Variants in PPP1R16B observed in about 807,000 individuals in gnomAD.
PPP1R16B encodes the protein protein phosphatase 1 regulatory subunit 16B.
PPP1R16B carries 14 observed loss-of-function variants against 61.7 expected under a neutral mutation model. The ratio of observed to expected loss-of-function variants is 0.23; its 90% confidence interval spans 0.15 to 0.35. The LOEUF (loss-of-function observed/expected upper bound fraction) is 0.35. Ranked by LOEUF, PPP1R16B falls within the 10% of genes least tolerant of loss-of-function variation. The probability of loss-of-function intolerance (pLI) is 1.00; values close to 1 mark genes in which losing one functional copy is unlikely to be tolerated. For synonymous variants in PPP1R16B, 266 were observed against 305.3 expected, an observed-to-expected ratio of 0.87 and a Z score of 1.34; for missense variants, 547 against 752.5, an observed-to-expected ratio of 0.73 and a Z score of 3.19.
intron 10 of PPP1R16B, among the ~76,000 whole-genome samples, chr20:38,910,645 C>T (rs1601314164): frequency 6.6e-6 from 1 of 151,702 alleles, no homozygotes; most frequent in African/African-American, 2.4e-5. Flanking sequence ...GCGATCCTCC[C>T]ACCTCAGCCT....
intron 2 of PPP1R16B, among the ~76,000 whole-genome samples, chr20:38,856,356 C>T (rs1367541059): frequency 6.6e-6 from 1 of 152,164 alleles, no homozygotes; most frequent in Non-Finnish European, 1.5e-5. Context: ...CTTCATTTTG[C>T]CACTTCCTTA....
chr20:38,918,190 G>A lies in PPP1R16B; in HGVS notation c.1228G>A (p.Glu410Lys). 4.3e-6 allele frequency: 7 copies of A among 1,614,190 alleles called. No individual in the cohort carries two copies. The highest frequency in any genetic ancestry group is 5.9e-6 in the Non-Finnish European group (7 of 1,180,026). ...PRLEKPVLLS[E>K]FPTKIPRGEL... ...GCTGGAGAAGCCCGTGCTACTCTCC[G>A]AATTTCCTACCAAGATCCCACGAGG... The change falls in exon 11 of 11, where the codon GAA (glutamate) becomes AAA (lysine). Residue 410 changes from glutamate (E) to lysine (K), a missense_variant. Coordinates refer to ENST00000299824, the MANE Select transcript of PPP1R16B (RefSeq NM_015568.4). The surrounding 1 kb of genome is among the most constrained non-coding windows in gnomAD (Gnocchi z 5.3).
chr20:38,845,073 C>T (rs772174540), intron 2 of PPP1R16B, among the ~76,000 whole-genome samples: 36 of 151,672 alleles, frequency 2.4e-4, no homozygotes, highest in Admixed American at 1.7e-3. Context: ...GCAGTGGCTG[C>T]CACTCCATGC....
intron 2 of PPP1R16B, among the ~76,000 whole-genome samples, chr20:38,873,576 G>T (rs1306545145): frequency 6.6e-6 from 1 of 152,126 alleles, no homozygotes; most frequent in East Asian, 1.9e-4. Flanking sequence ...AGGCCTGACT[G>T]GGTTAGGGGA....
intron 1 of PPP1R16B, among the ~76,000 whole-genome samples, chr20:38,818,039 G>A (rs773824077): frequency 5.3e-5 from 8 of 152,214 alleles, no homozygotes; most frequent in Non-Finnish European, 1.2e-4. Flanking sequence ...GCGAGACTCC[G>A]TCTCAAAAAC....
At chr20:38,818,339 A>G (rs1431565628) in intron 1 of PPP1R16B, among the ~76,000 whole-genome samples, 1 of 152,192 alleles carries the variant, frequency 6.6e-6, no homozygotes, top group South Asian at 2.1e-4. Flanking sequence ...GTGAATCATC[A>G]GTCCTGTTCG....
intron 2 of PPP1R16B, among the ~76,000 whole-genome samples, chr20:38,879,889 G>T (rs2085192813): frequency 6.6e-6 from 1 of 152,216 alleles, no homozygotes; most frequent in Non-Finnish European, 1.5e-5. Context: ...GGGTGTCAGA[G>T]ATGCTAGGAG....
chr20:38,815,902 A>G (rs1439884734), intron 1 of PPP1R16B, among the ~76,000 whole-genome samples: 1 of 152,230 alleles, frequency 6.6e-6, no homozygotes, highest in African/African-American at 2.4e-5. Context: ...AACAAATAAA[A>G]TGAGAGCAAA....
intron 1 of PPP1R16B, among the ~76,000 whole-genome samples, chr20:38,832,912 CAA>C (rs557919611): frequency 3.4e-4 from 23 of 68,246 alleles, no homozygotes; most frequent in Admixed American, 3.5e-4. Context: ...AGCGAGATCT[CAA>C]AAAAAAAAAA....
chr20:38,883,583 G>A (rs1289992120), intron 2 of PPP1R16B, among the ~76,000 whole-genome samples: 1 of 152,220 alleles, frequency 6.6e-6, no homozygotes, highest in Non-Finnish European at 1.5e-5. Flanking sequence ...CATCTCAGTA[G>A]GGCCCTGCCT....
At chr20:38,860,309 T>C (rs1186292718) in intron 2 of PPP1R16B, among the ~76,000 whole-genome samples, 1 of 152,088 alleles carries the variant, frequency 6.6e-6, no homozygotes, top group Non-Finnish European at 1.5e-5. Context: ...ACCATGTTGG[T>C]CAGGCTGGTC....
At chr20:38,863,662 C>G (rs973880638) in intron 2 of PPP1R16B, among the ~76,000 whole-genome samples, 2 of 152,176 alleles carry the variant, frequency 1.3e-5, no homozygotes, top group Non-Finnish European at 2.9e-5. Context: ...ACACCCACCT[C>G]AAGGGAATTG....
chr20:38,878,637 A>T (rs1188254040), intron 2 of PPP1R16B, among the ~76,000 whole-genome samples: 1 of 152,192 alleles, frequency 6.6e-6, no homozygotes, highest in African/African-American at 2.4e-5. Context: ...ATAGCACCTA[A>T]GTCATGTGGT....
chr20:38,855,460 A>T (rs2084997657), intron 2 of PPP1R16B, among the ~76,000 whole-genome samples: 1 of 151,864 alleles, frequency 6.6e-6, no homozygotes, highest in Non-Finnish European at 1.5e-5. Context: ...CTTCCCCTGA[A>T]TGGGATTGGT....
At chr20:38,859,342 G>A (rs377584960) in intron 2 of PPP1R16B, among the ~76,000 whole-genome samples, 6 of 151,896 alleles carry the variant, frequency 4.0e-5, no homozygotes, top group African/African-American at 7.2e-5. Context: ...TTCTGAAATC[G>A]ATTGTGGTGG....
At chr20:38,878,048 G>GA (rs1445020163) in intron 2 of PPP1R16B, among the ~76,000 whole-genome samples, 1 of 144,472 alleles carries the variant, frequency 6.9e-6, no homozygotes, top group African/African-American at 2.6e-5. Context: ...TACATGTTTG[G>GA]ATGTCGGTCA....
chr20:38,912,758 A>T (rs751721839), intron 10 of PPP1R16B, among the ~76,000 whole-genome samples: 4 of 152,322 alleles, frequency 2.6e-5, no homozygotes, highest in Non-Finnish European at 5.9e-5. Flanking sequence ...AGAATTTCAG[A>T]ACCACTTATT....
chr20:38,849,181 T>A (rs2084952286), intron 2 of PPP1R16B, among the ~76,000 whole-genome samples: 1 of 152,100 alleles, frequency 6.6e-6, no homozygotes, highest in Admixed American at 6.6e-5. Flanking sequence ...GGGCTTTGGG[T>A]TTTGTACATT....
chr20:38,918,082 C>A lies in PPP1R16B; in HGVS notation c.1195-75C>A. 1.3e-6 allele frequency: 2 copies of A among 1,556,164 alleles called. No homozygotes were observed. The highest frequency in any genetic ancestry group is 1.2e-5 in the South Asian group (1 of 84,188). On this transcript the variant is annotated intron_variant, in intron 10 of 10. Coordinates refer to ENST00000299824, the MANE Select transcript of PPP1R16B (RefSeq NM_015568.4). The surrounding 1 kb of genome is among the most constrained non-coding windows in gnomAD (Gnocchi z 5.3). ...AGAGGAAAAGTCCAAACAATAATGCCCTCAGCAGAGAGACAGGTGGATAGT... is the reference window on the plus strand; with the variant it reads ...AGAGGAAAAGTCCAAACAATAATGCACTCAGCAGAGAGACAGGTGGATAGT...
Sources: allele counts gnomAD v4.1 joint callset (sites outside exome capture counted in the v4.1 genomes callset), GRCh38; gene constraint gnomAD v4.1.1; non-coding constraint Gnocchi (gnomAD v3.1); transcripts MANE v1.5; gene names NCBI Gene and HGNC (gene_info 2026-07-23, HGNC 2026-07-21).